Variants in DRICH1 observed in about 807,000 individuals in gnomAD.
DRICH1 encodes aspartate rich 1, also known as aspartate-rich protein 1.
A neutral mutation model predicts 39.5 loss-of-function variants in DRICH1; 38 were observed. That is an observed-to-expected ratio of 0.96 (90% CI 0.74 to 1.26). The LOEUF is 1.26. Ranked by LOEUF, DRICH1 falls within the 50% of genes most tolerant of loss-of-function variation. DRICH1 has a pLI of 0.00. For synonymous variants in DRICH1, 84 were observed against 99.5 expected (o/e 0.84, Z 0.93); for missense variants, 279 against 270.4 (o/e 1.03, Z -0.22).
intron 11 of DRICH1, among the ~76,000 whole-genome samples, chr22:23,612,300 C>A (rs189009946): frequency 6.6e-6 from 1 of 151,584 alleles, no homozygotes; most frequent in East Asian, 1.9e-4. Context: ...ACCCTGTCTC[C>A]ACCAAAAATA....
rs761598470 is a variant in DRICH1, at chr22:23,624,860, G to C, written c.298+23C>G. The C allele has an allele frequency of 2.5e-6, 4 of 1,611,140 alleles. No homozygotes were observed. In the Admixed American group the frequency reaches 6.7e-5, roughly 27 times the overall value. The stretch of plus-strand genomic sequence containing the variant: ...AGCTAGCAAGTTTGTTTCTCAGAAA[G>C]TGAGTTAGTTCAAGGTACGTACCCT... On this transcript the variant is annotated intron_variant, in intron 3 of 11. Coordinates refer to ENST00000317749, the MANE Select transcript of DRICH1 (RefSeq NM_016449.4).
In DRICH1 at chr22:23,614,231, G is replaced by T. The variant is rs1927215605; in HGVS notation, c.542-17C>A. The T allele has an allele frequency of 6.3e-7, 1 of 1,596,296 alleles. No individual in the cohort carries two copies. The highest frequency in any genetic ancestry group is 8.6e-7 in the Non-Finnish European group (1 of 1,163,750). On this transcript the variant is annotated splice_polypyrimidine_tract_variant and intron_variant, in intron 8 of 11. Coordinates refer to ENST00000317749, the MANE Select transcript of DRICH1 (RefSeq NM_016449.4). ...CAGAACAAGCTGGAAGGACACAGAG[G>T]AAAGATCAGTGCACCGGTGGTTGGT... is the stretch of plus-strand genomic sequence containing the variant.
intron 11 of DRICH1, among the ~76,000 whole-genome samples, chr22:23,612,236 C>A (rs184285198): frequency 6.6e-6 from 1 of 151,896 alleles, no homozygotes; most frequent in African/African-American, 2.4e-5. Flanking sequence ...GAGGCTGAGG[C>A]GGGCAGATCG....
chr22:23,624,338 G>A (rs565062776), intron 3 of DRICH1: 1 of 985,100 alleles, frequency 1.0e-6, no homozygotes, highest in Admixed American at 6.1e-5. Context: ...AAATAATAAA[G>A]CAAGAAGAAA....
rs147123796 is a variant in DRICH1 at position 23,608,768 on chromosome 22, C to A, written c.686G>T (p.Gly229Val). The A allele has an allele frequency of 3.6e-4, 558 of 1,560,638 alleles. 1 individual carries two copies. In the African/African-American group the frequency reaches 6.6e-3, roughly 19 times the overall value. ...GGTCAGCTCCACAGAAGGGCTTCAC[C>A]CTGGATGAAGAGATAATCCCTTTTT... The part of the protein sequence containing the change: ...ESLSDEEIHP[G>V] Residue 229 changes from glycine to valine, a missense_variant and splice_region_variant, in exon 12 of 12, where the codon GGG (glycine) becomes GTG (valine). Coordinates refer to ENST00000317749, the MANE Select transcript of DRICH1 (RefSeq NM_016449.4).
the DRICH1 span, among the ~76,000 whole-genome samples, chr22:23,601,858 A>G: frequency 6.6e-6 from 1 of 152,252 alleles, no homozygotes; most frequent in Non-Finnish European, 1.5e-5. Context: ...TAGGGTCAGA[A>G]AGAGACCAGT....
chr22:23,622,002 G>C (rs1266969131), intron 4 of DRICH1, 89 bp downstream of exon 4: 2 of 1,168,856 alleles, frequency 1.7e-6, no homozygotes, highest in Non-Finnish European at 2.6e-6. Context: ...ATAGCTCCCT[G>C]AGTCCATTCT....
intron 8 of DRICH1, among the ~76,000 whole-genome samples, chr22:23,615,550 T>C (rs1927306924): frequency 1.3e-5 from 2 of 152,232 alleles, no homozygotes; most frequent in Non-Finnish European, 2.9e-5. Flanking sequence ...TATTCATGGA[T>C]AGGAAGACTA....
chr22:23,595,726 A>G, the DRICH1 span, among the ~76,000 whole-genome samples: 74 of 152,036 alleles, frequency 4.9e-4, no homozygotes, highest in East Asian at 0.014. Context: ...CTGTCCATTA[A>G]TGAGTGGCCT....
chr22:23,630,473 G>A (rs1351483836), intron 1 of DRICH1: 2 of 152,118 alleles, frequency 1.3e-5, no homozygotes, highest in Non-Finnish European at 2.9e-5. Flanking sequence ...TGTGTTGAGT[G>A]AAAAAGAGGT....
At chr22:23,630,065 C>T (rs894634483) in intron 1 of DRICH1, among the ~76,000 whole-genome samples, 3 of 152,248 alleles carry the variant, frequency 2.0e-5, no homozygotes, top group East Asian at 3.8e-4. Context: ...TGATCCCTTA[C>T]ACTTCTCAGA....
chr22:23,614,350 G>A, intron 8 of DRICH1, 136 bp from the exon 9 acceptor site: 4 of 654,662 alleles, frequency 6.1e-6, no homozygotes, highest in Non-Finnish European at 8.3e-6. Context: ...CTATTCCCCT[G>A]AGTGGAAGAG....
chr22:23,601,708 G>A, the DRICH1 span, among the ~76,000 whole-genome samples: 1 of 152,160 alleles, frequency 6.6e-6, no homozygotes, highest in South Asian at 2.1e-4. Context: ...GGAACTGGCC[G>A]GAGTACCTGG....
chr22:23,621,665 G>A (rs1361174156), intron 4 of DRICH1, among the ~76,000 whole-genome samples: 1 of 152,154 alleles, frequency 6.6e-6, no homozygotes, highest in Non-Finnish European at 1.5e-5. Context: ...TGTAATACCA[G>A]CACTTTCGGA....
the DRICH1 span, among the ~76,000 whole-genome samples, chr22:23,601,553 A>C: frequency 0.13 from 20,264 of 152,074 alleles, 1,710 homozygotes; most frequent in East Asian, 0.25. Flanking sequence ...GGGGCTAAGG[A>C]GGGGTTTGGG....
chr22:23,594,702 CAT>C, the DRICH1 span, among the ~76,000 whole-genome samples: 129,788 of 151,372 alleles, frequency 0.86, 55,934 homozygotes, highest in African/African-American at 0.96. Context: ...GGATCCCTAA[CAT>C]AGAAACGAAC....
chr22:23,614,765 T>G (rs1927254055), intron 8 of DRICH1, among the ~76,000 whole-genome samples: 1 of 152,260 alleles, frequency 6.6e-6, no homozygotes, highest in Admixed American at 6.5e-5. Context: ...AGTCATGATT[T>G]CCTCTTTGTA....
At position 23,608,606 on chromosome 22, in the gene DRICH1, G is replaced by A; in HGVS notation, c.*158C>T. 2 of 721,804 alleles carry A rather than the reference G, an allele frequency of 2.8e-6. No homozygotes were observed. Among genetic ancestry groups the A allele is most frequent in the Non-Finnish European group, 4.8e-6 (2 of 417,802 alleles). 44.7% of individuals were successfully genotyped at this position (721,804 alleles called of 1,614,324 possible). On this transcript the variant is annotated 3_prime_UTR_variant, in exon 12 of 12. Coordinates refer to ENST00000317749, the MANE Select transcript of DRICH1 (RefSeq NM_016449.4). ...CAGGCCAAACCTAGTGCTGGCGGTG[G>A]GTGGGAAGCAGCCTTGGACTTTTTC...
At chr22:23,591,112 G>T in the DRICH1 span, among the ~76,000 whole-genome samples, 12 of 152,218 alleles carry the variant, frequency 7.9e-5, no homozygotes, top group African/African-American at 2.7e-4. Flanking sequence ...AGATGTGTAA[G>T]AATCTGGGAG....
Sources: gnomAD v4.1 joint callset for allele counts (sites outside exome capture counted in the v4.1 genomes callset) on GRCh38, gnomAD v4.1.1 for gene constraint, MANE v1.5 for transcripts, NCBI Gene and HGNC (gene_info 2026-07-23, HGNC 2026-07-21) for gene names.